Variants in NXPH1 observed in about 807,000 individuals in gnomAD.
NXPH1 encodes the protein neurexophilin-1.
NXPH1 carries 5 observed loss-of-function variants against 23.7 expected under a neutral mutation model. The ratio of observed to expected loss-of-function variants is 0.21; its 90% CI spans 0.11 to 0.44. The LOEUF is 0.44. Ranked by LOEUF, NXPH1 falls within the 20% of genes least tolerant of loss-of-function variation. The pLI, the probability that NXPH1 is intolerant of heterozygous loss-of-function variation, is 0.99. For missense variants in NXPH1, 324 were observed against 321.6 expected (o/e 1.01, Z -0.06); for synonymous variants, 144 against 122.2 (o/e 1.18, Z -1.18).
chr7:8,680,879 C>CAGAATATT (rs1191343064), intron 2 of NXPH1, among the ~76,000 whole-genome samples: 17 of 152,332 alleles, frequency 1.1e-4, no homozygotes, highest in African/African-American at 3.4e-4. Context: ...TTTCTATTAA[C>CAGAATATT]AGAATATTAG....
chr7:8,726,749 G>C (rs1264207118), intron 2 of NXPH1, among the ~76,000 whole-genome samples: 1 of 148,978 alleles, frequency 6.7e-6, no homozygotes, highest in Non-Finnish European at 1.5e-5. Context: ...TGGACATTTG[G>C]GTTGGTTCCA....
chr7:8,672,911 G>A (rs1048445058), intron 2 of NXPH1, among the ~76,000 whole-genome samples: 4 of 152,202 alleles, frequency 2.6e-5, no homozygotes, highest in African/African-American at 9.6e-5. Context: ...CAAGGTGGTA[G>A]AGTGAAAAGA....
At chr7:8,725,842 C>G (rs1008754551) in intron 2 of NXPH1, among the ~76,000 whole-genome samples, 5 of 146,472 alleles carry the variant, frequency 3.4e-5, no homozygotes, top group Non-Finnish European at 7.6e-5. Context: ...ATTGTCCACT[C>G]AGCACCTGGA....
At chr7:8,719,965 G>A (rs1283347223) in intron 2 of NXPH1, among the ~76,000 whole-genome samples, 3 of 152,132 alleles carry the variant, frequency 2.0e-5, no homozygotes, top group Non-Finnish European at 4.4e-5. Context: ...AGATTCAAGA[G>A]ATTATGGCTT....
At chr7:8,510,401 A>G (rs1309545515) in intron 2 of NXPH1, among the ~76,000 whole-genome samples, 1 of 152,106 alleles carries the variant, frequency 6.6e-6, no homozygotes, top group Non-Finnish European at 1.5e-5. Flanking sequence ...CACAGATGAC[A>G]AAGTTGAGGC....
At chr7:8,577,947 T>C (rs760439518) in intron 2 of NXPH1, among the ~76,000 whole-genome samples, 1 of 152,194 alleles carries the variant, frequency 6.6e-6, no homozygotes, top group Non-Finnish European at 1.5e-5. Flanking sequence ...TCCAGCCCTA[T>C]GCAAGCCTTC....
intron 2 of NXPH1, among the ~76,000 whole-genome samples, chr7:8,463,370 CATTT>C (rs1292506805): frequency 6.6e-6 from 1 of 150,822 alleles, no homozygotes; most frequent in African/African-American, 2.4e-5. Flanking sequence ...CTCAAATAGA[CATTT>C]ATATTTTTTA....
intron 2 of NXPH1, among the ~76,000 whole-genome samples, chr7:8,740,538 A>C (rs1381657472): frequency 3.3e-5 from 5 of 152,222 alleles, no homozygotes; most frequent in African/African-American, 4.8e-5. Context: ...CTCTGACTGC[A>C]AAGCCCATTC....
intron 2 of NXPH1, among the ~76,000 whole-genome samples, chr7:8,529,613 A>C (rs1817920879): frequency 6.6e-6 from 1 of 152,184 alleles, no homozygotes; most frequent in Non-Finnish European, 1.5e-5. Context: ...CCAGTTATTA[A>C]ATTTATTAAC....
intron 2 of NXPH1, among the ~76,000 whole-genome samples, chr7:8,649,385 A>T (rs1406506989): frequency 6.6e-6 from 1 of 152,056 alleles, no homozygotes; most frequent in Non-Finnish European, 1.5e-5. Flanking sequence ...TGTACGTTCA[A>T]ACTACCTACT....
intron 2 of NXPH1, among the ~76,000 whole-genome samples, chr7:8,717,524 C>G (rs2115203333): frequency 6.6e-6 from 1 of 152,204 alleles, no homozygotes; most frequent in Admixed American, 6.5e-5. Context: ...CTGAATTAAT[C>G]ATAACTTTGA....
intron 2 of NXPH1, among the ~76,000 whole-genome samples, chr7:8,495,990 G>T (rs931847619): frequency 2.6e-5 from 4 of 152,018 alleles, no homozygotes; most frequent in Admixed American, 6.6e-5. Context: ...GGCACAGAGG[G>T]TTCCTGTGGA....
chr7:8,486,342 T>G (rs1425602588), intron 2 of NXPH1, among the ~76,000 whole-genome samples: 2 of 152,168 alleles, frequency 1.3e-5, no homozygotes, highest in African/African-American at 4.8e-5. Flanking sequence ...AGGCCTTGGT[T>G]CTGACTGCCT....
chr7:8,540,967 A>C (rs77637927), intron 2 of NXPH1, among the ~76,000 whole-genome samples: 1,961 of 151,948 alleles, frequency 0.013, 48 homozygotes, highest in African/African-American at 0.044. Context: ...ACAAAGCTTA[A>C]GTATATTTAT....
chr7:8,643,219 T>C (rs1156450593), intron 2 of NXPH1, among the ~76,000 whole-genome samples: 2 of 152,176 alleles, frequency 1.3e-5, no homozygotes, highest in Non-Finnish European at 2.9e-5. Context: ...TTTATATAAT[T>C]AGTATGATAA....
At chr7:8,602,966 A>G (rs2128627818) in intron 2 of NXPH1, among the ~76,000 whole-genome samples, 1 of 152,118 alleles carries the variant, frequency 6.6e-6, no homozygotes, top group South Asian at 2.1e-4. Flanking sequence ...GCCCACCACC[A>G]TGCACAGCTA....
chr7:8,569,259 A>T (rs1818603737), intron 2 of NXPH1, among the ~76,000 whole-genome samples: 1 of 151,874 alleles, frequency 6.6e-6, no homozygotes. Context: ...GTCATGAGAA[A>T]ATTAGAAAAG....
chr7:8,751,127 C>G lies in NXPH1; in HGVS notation c.174C>G (p.Leu58=). The G allele has an allele frequency of 6.2e-7, 1 of 1,613,838 alleles. No individual in the cohort carries two copies. The highest frequency in any genetic ancestry group is 8.5e-7 in the Non-Finnish European group (1 of 1,179,786). The change falls in exon 3 of 3, where the codon CTC becomes CTG. Residue 58 remains leucine, a synonymous_variant. Coordinates refer to ENST00000405863, the MANE Select transcript of NXPH1 (RefSeq NM_152745.3). The surrounding 1 kb of genome is among the most constrained non-coding windows in gnomAD (Gnocchi z 4.5). The part of the protein sequence containing the change: ...ESSKDLSISR[L]LSQTFRGKEN... ...GCAAAGACTTGTCTATCAGCCGACTCCTGTCACAGACTTTTCGTGGCAAAG... is the reference window on the plus strand; with the variant it reads ...GCAAAGACTTGTCTATCAGCCGACTGCTGTCACAGACTTTTCGTGGCAAAG...
intron 2 of NXPH1, among the ~76,000 whole-genome samples, chr7:8,715,694 C>G (rs906044430): frequency 6.6e-6 from 1 of 152,056 alleles, no homozygotes; most frequent in African/African-American, 2.4e-5. Flanking sequence ...AGAAAACACA[C>G]GGGTTAGATA....
Sources: gnomAD v4.1 joint callset for allele counts (sites outside exome capture counted in the v4.1 genomes callset) on GRCh38, gnomAD v4.1.1 for gene constraint, Gnocchi (gnomAD v3.1) non-coding constraint, MANE v1.5 for transcripts, NCBI Gene and HGNC (gene_info 2026-07-23, HGNC 2026-07-21) for gene names.